ABLIM1: variants seen among roughly 807,000 people sequenced by gnomAD.
The protein encoded by ABLIM1 is actin binding LIM protein 1, also known as actin-binding LIM protein 1.
Under a neutral mutation model 107.0 loss-of-function variants are expected in ABLIM1, and 40 were observed. That is an observed-to-expected ratio of 0.37 (90% CI 0.29 to 0.49). The LOEUF is 0.49. ABLIM1 is among the 20% of genes least tolerant of loss of function. The pLI, the probability that ABLIM1 is intolerant of heterozygous loss-of-function variation, is 0.97. For synonymous variants in ABLIM1, 357 were observed against 357.3 expected (o/e 1.00, Z 0.01); for missense variants, 857 against 1,008.5 (o/e 0.85, Z 2.04).
intron 1 of ABLIM1, among the ~76,000 whole-genome samples, chr10:114,621,684 G>A (rs1024194174): frequency 3.9e-5 from 6 of 152,056 alleles, no homozygotes; most frequent in Non-Finnish European, 8.8e-5. Context: ...ATCACCTGGT[G>A]TCCCCTCCAT....
intron 12 of ABLIM1, chr10:114,463,118 G>A: frequency 7.6e-7 from 1 of 1,322,136 alleles, no homozygotes; most frequent in East Asian, 4.9e-5. Flanking sequence ...GGCTGAGGCT[G>A]CTGGTGCGCA....
intron 6 of ABLIM1, among the ~76,000 whole-genome samples, chr10:114,522,879 G>A (rs545985620): frequency 3.9e-5 from 6 of 152,266 alleles, no homozygotes; most frequent in South Asian, 2.1e-4. Context: ...GGCCAGGTGC[G>A]GTGGCTCACG....
intron 6 of ABLIM1, among the ~76,000 whole-genome samples, chr10:114,529,901 C>T (rs1347184347): frequency 1.3e-5 from 2 of 152,122 alleles, no homozygotes; most frequent in Non-Finnish European, 2.9e-5. Context: ...GTTGCATGCA[C>T]CTGTAATCCC....
chr10:114,709,823 GT>G (rs2081508491), intron 1 of ABLIM1, among the ~76,000 whole-genome samples: 1 of 152,094 alleles, frequency 6.6e-6, no homozygotes, highest in African/African-American at 2.4e-5. Context: ...CTTTTGAAAT[GT>G]TGTCATTTGT....
chr10:114,730,214 A>G (rs989298416), intron 1 of ABLIM1, among the ~76,000 whole-genome samples: 2 of 152,090 alleles, frequency 1.3e-5, no homozygotes, highest in East Asian at 1.9e-4. Flanking sequence ...CCTGGGAAAC[A>G]TGGTGAAACC....
intron 6 of ABLIM1, among the ~76,000 whole-genome samples, chr10:114,511,112 G>A (rs921740073): frequency 1.3e-5 from 2 of 151,746 alleles, no homozygotes; most frequent in Admixed American, 6.6e-5. Flanking sequence ...TTTTATAATC[G>A]CACATTATAA....
intron 1 of ABLIM1, among the ~76,000 whole-genome samples, chr10:114,669,766 A>G (rs2080173027): frequency 6.6e-6 from 1 of 152,170 alleles, no homozygotes; most frequent in South Asian, 2.1e-4. Flanking sequence ...GATATCTTCA[A>G]TAGGACAGAT....
At chr10:114,690,555 A>G in intron 1 of ABLIM1, 1 of 1,174,388 alleles carries the variant, frequency 8.5e-7, no homozygotes, top group Non-Finnish European at 1.3e-6. Flanking sequence ...TGTCTTTGGA[A>G]ACTTGTCTGC....
chr10:114,698,524 T>G (rs995195161), intron 1 of ABLIM1, among the ~76,000 whole-genome samples: 4 of 151,618 alleles, frequency 2.6e-5, no homozygotes, highest in African/African-American at 9.7e-5. Context: ...AACAGAATTC[T>G]CCAGTCCTGA....
upstream of ABLIM1, among the ~76,000 whole-genome samples, chr10:114,771,484 A>T (rs1591975404): frequency 6.6e-6 from 1 of 152,342 alleles, no homozygotes; most frequent in Admixed American, 6.5e-5. Context: ...TATATATTTT[A>T]AAATATATGT....
chr10:114,791,404 C>T, the ABLIM1 span, among the ~76,000 whole-genome samples: 1 of 152,066 alleles, frequency 6.6e-6, no homozygotes, highest in Non-Finnish European at 1.5e-5. Flanking sequence ...TTTGGGAGGC[C>T]AAAGCCGGCG....
chr10:114,676,262 A>T (rs2080477816), intron 1 of ABLIM1, among the ~76,000 whole-genome samples: 1 of 152,196 alleles, frequency 6.6e-6, no homozygotes, highest in Non-Finnish European at 1.5e-5. Flanking sequence ...GTGAATCACG[A>T]GGTCAGTAGA....
chr10:114,526,067 T>C (rs1036219966), intron 6 of ABLIM1, among the ~76,000 whole-genome samples: 2 of 152,200 alleles, frequency 1.3e-5, no homozygotes, highest in Admixed American at 1.3e-4. Context: ...AGAGAGGCAA[T>C]TGTCAAGCTC....
At chr10:114,607,835 T>C (rs2076529837) in intron 1 of ABLIM1, among the ~76,000 whole-genome samples, 1 of 152,130 alleles carries the variant, frequency 6.6e-6, no homozygotes, top group African/African-American at 2.4e-5. Flanking sequence ...CTAAACGTAA[T>C]GTGGGATCCT....
At chr10:114,552,795 A>G (rs1014730937) in intron 4 of ABLIM1, among the ~76,000 whole-genome samples, 2 of 152,198 alleles carry the variant, frequency 1.3e-5, no homozygotes, top group East Asian at 1.9e-4. Context: ...CGTTGCTTTC[A>G]GGAAAAAAGA....
At chr10:114,618,449 A>C (rs1461160503) in intron 1 of ABLIM1, among the ~76,000 whole-genome samples, 2 of 152,160 alleles carry the variant, frequency 1.3e-5, no homozygotes, top group Non-Finnish European at 1.5e-5. Flanking sequence ...GGGTGTTCTC[A>C]GTATTGTTTT....
At chr10:114,610,371 A>G (rs2076725541) in intron 1 of ABLIM1, among the ~76,000 whole-genome samples, 1 of 152,168 alleles carries the variant, frequency 6.6e-6, no homozygotes, top group Admixed American at 6.5e-5. Context: ...CTGTATGGTA[A>G]GGTTGACTTC....
At chr10:114,778,367 AAAC>A in the ABLIM1 span, 1 of 152,166 alleles carries the variant, frequency 6.6e-6, no homozygotes. Flanking sequence ...CTGTCTCAAA[AAAC>A]AACAACAAAA....
chr10:114,633,111 G>A (rs2078287500), intron 1 of ABLIM1, among the ~76,000 whole-genome samples: 1 of 152,214 alleles, frequency 6.6e-6, no homozygotes, highest in Non-Finnish European at 1.5e-5. Context: ...GACATCACAA[G>A]GCAGGGAGAG....
Sources: gnomAD v4.1 joint callset for allele counts (sites outside exome capture counted in the v4.1 genomes callset) on GRCh38, gnomAD v4.1.1 for gene constraint, MANE v1.5 for transcripts, NCBI Gene and HGNC (gene_info 2026-07-23, HGNC 2026-07-21) for gene names.